ARHGEF12: variants seen among roughly 807,000 people sequenced by gnomAD.
The protein encoded by ARHGEF12 is KMT2A/ARHGEF12 fusion protein.
Under a neutral mutation model 211.2 loss-of-function variants are expected in ARHGEF12, and 66 were observed. The observed-to-expected ratio is 0.31, with a 90% CI of 0.26 to 0.38. ARHGEF12 has a LOEUF of 0.38. Among genes scored for constraint, ARHGEF12 ranks in the 10% least tolerant of loss-of-function variants. The pLI is 1.00. For synonymous variants in ARHGEF12, 592 were observed against 638.4 expected (o/e 0.93, Z 1.09); for missense variants, 1,429 against 1,869.5 (o/e 0.76, Z 4.34).
intron 1 of ARHGEF12, among the ~76,000 whole-genome samples, chr11:120,368,024 T>C (rs188591204): frequency 1.4e-4 from 22 of 152,228 alleles, no homozygotes; most frequent in African/African-American, 5.3e-4. Flanking sequence ...AAAGATTTCA[T>C]TATGGGATAG....
chr11:120,455,231 A>G (rs1326128201), intron 22 of ARHGEF12, among the ~76,000 whole-genome samples: 1 of 152,220 alleles, frequency 6.6e-6, no homozygotes, highest in East Asian at 1.9e-4. Flanking sequence ...CCCAGAGTTG[A>G]AAAAGAATAC....
At chr11:120,437,908 C>T (rs1316937945) in intron 12 of ARHGEF12, among the ~76,000 whole-genome samples, 2 of 152,158 alleles carry the variant, frequency 1.3e-5, no homozygotes, top group South Asian at 2.1e-4. Flanking sequence ...TCAGAATTTC[C>T]GTCCTTTTTG....
intron 10 of ARHGEF12, among the ~76,000 whole-genome samples, chr11:120,430,756 T>A (rs1018084896): frequency 2.0e-5 from 3 of 152,194 alleles, no homozygotes; most frequent in African/African-American, 7.2e-5. Context: ...TTTAAAAAAA[T>A]TATGTTATAA....
chr11:120,389,259 A>T (rs957617243), intron 1 of ARHGEF12, among the ~76,000 whole-genome samples: 1 of 152,076 alleles, frequency 6.6e-6, no homozygotes, highest in Non-Finnish European at 1.5e-5. Flanking sequence ...TTCTCTCTTT[A>T]ATACTTTTAT....
chr11:120,457,566 A>G, intron 23 of ARHGEF12, 155 bp from the exon 24 acceptor site: 1 of 529,972 alleles, frequency 1.9e-6, no homozygotes, highest in Non-Finnish European at 3.1e-6. Context: ...AAGGTACTCA[A>G]ATTTTCTTCA....
chr11:120,460,944 A>T (rs1946506872), intron 27 of ARHGEF12, among the ~76,000 whole-genome samples, 187 bp downstream of exon 27: 1 of 152,184 alleles, frequency 6.6e-6, no homozygotes. Context: ...TAAGAAGCAG[A>T]CCCTTATCCA....
intron 22 of ARHGEF12, among the ~76,000 whole-genome samples, chr11:120,453,455 T>TA (rs1946270909): frequency 6.6e-6 from 1 of 152,044 alleles, no homozygotes; most frequent in Non-Finnish European, 1.5e-5. Context: ...CATGGTGGCT[T>TA]ACTCCTGTAA....
rs75115847 is a variant in ARHGEF12 at position 120,395,021 on chromosome 11, C to G, written c.33-11097C>G. On this transcript the variant is annotated intron_variant, in intron 1 of 40. Coordinates refer to ENST00000397843, the MANE Select transcript of ARHGEF12 (RefSeq NM_015313.3). ...GCAATGAGCTGAGATGGTGCCACTACACACCATCCTGCCCAACAGAGCAAG... is the reference window on the plus strand; with the variant it reads ...GCAATGAGCTGAGATGGTGCCACTAGACACCATCCTGCCCAACAGAGCAAG... Among the ~76,000 whole-genome samples the G allele has an allele frequency of 9.7e-3, 1,267 of 130,316 alleles. 85 individuals carry two copies. The South Asian group carries it at 0.17, about 17-fold the overall frequency. 85.5% of individuals were successfully genotyped at this position (130,316 alleles called of 152,430 possible).
chr11:120,407,131 T>G (rs896486907), intron 2 of ARHGEF12, among the ~76,000 whole-genome samples: 1 of 152,216 alleles, frequency 6.6e-6, no homozygotes, highest in Non-Finnish European at 1.5e-5. Flanking sequence ...TATGTGTATG[T>G]GTACATATGT....
chr11:120,407,742 G>A lies in ARHGEF12; in HGVS notation c.61G>A (p.Gly21Arg). 1 of 1,612,540 alleles carries A rather than the reference G, an allele frequency of 6.2e-7. No individual in the cohort carries two copies. Among genetic ancestry groups the A allele is most frequent in the Non-Finnish European group, 8.5e-7 (1 of 1,179,092 alleles). Residue 21 changes from glycine (G) to arginine (R), a missense_variant, in exon 3 of 41, where the codon GGA (glycine) becomes AGA (arginine). By Grantham distance (125) the Gly-to-Arg change is moderately radical. Around this residue, in one of 7 missense-constraint regions of ARHGEF12, gnomAD observed 41 missense variants for 48.6 expected, o/e 0.84. Transcript: ENST00000397843. The part of the protein sequence containing the change: ...RFPLKKPIRH[G>R]SILNRESPTD... ...GATTACTTTGCTTTAATTTAGGCAT[G>A]GAAGTATTTTGAACCGAGAGTCACC...
At chr11:120,473,558 A>G (rs923137484) in intron 31 of ARHGEF12, among the ~76,000 whole-genome samples, 1 of 152,130 alleles carries the variant, frequency 6.6e-6, no homozygotes, top group Non-Finnish European at 1.5e-5. Context: ...ATATGCCACC[A>G]TACCCAGCTA....
intron 27 of ARHGEF12, 135 bp downstream of exon 27, chr11:120,460,892 C>A: frequency 2.7e-6 from 2 of 734,494 alleles, no homozygotes; most frequent in Non-Finnish European, 4.5e-6. Context: ...AAAGGTCAAG[C>A]AGTAGATTCC....
intron 1 of ARHGEF12, among the ~76,000 whole-genome samples, chr11:120,397,189 C>T (rs1340406325): frequency 1.3e-5 from 2 of 152,180 alleles, no homozygotes; most frequent in Non-Finnish European, 2.9e-5. Context: ...TCTCTCTCAC[C>T]GATTTCGTGC....
At chr11:120,388,987 C>G (rs1032706307) in intron 1 of ARHGEF12, among the ~76,000 whole-genome samples, 3 of 152,052 alleles carry the variant, frequency 2.0e-5, no homozygotes, top group Admixed American at 1.3e-4. Flanking sequence ...CTCAGCCTCC[C>G]AAGTAGCTGG....
intron 4 of ARHGEF12, chr11:120,410,578 T>G (rs1362275335): frequency 6.6e-6 from 1 of 152,138 alleles, no homozygotes; most frequent in Non-Finnish European, 1.5e-5. Context: ...ATAATTCACA[T>G]CTGCTGGCAC....
intron 1 of ARHGEF12, among the ~76,000 whole-genome samples, chr11:120,391,244 C>T (rs1400204186): frequency 6.6e-6 from 1 of 152,166 alleles, no homozygotes; most frequent in African/African-American, 2.4e-5. Flanking sequence ...TCATCTCTTC[C>T]TTATATACAA....
At chr11:120,399,464 AT>A (rs1238131812) in intron 1 of ARHGEF12, among the ~76,000 whole-genome samples, 1 of 149,658 alleles carries the variant, frequency 6.7e-6, no homozygotes, top group Non-Finnish European at 1.5e-5. Flanking sequence ...TTCCTTGATG[AT>A]TTTTTGGCAA....
At chr11:120,421,240 C>T (rs1945176302) in intron 5 of ARHGEF12, among the ~76,000 whole-genome samples, 1 of 152,110 alleles carries the variant, frequency 6.6e-6, no homozygotes, top group South Asian at 2.1e-4. Flanking sequence ...ATATTTTCTA[C>T]TGCTGTTACC....
intron 27 of ARHGEF12, among the ~76,000 whole-genome samples, chr11:120,461,280 A>G (rs1591623018): frequency 6.6e-6 from 1 of 152,250 alleles, no homozygotes; most frequent in East Asian, 1.9e-4. Flanking sequence ...TCCTTGGTCC[A>G]TGAGCTGCAG....
Sources: allele counts gnomAD v4.1 joint callset (sites outside exome capture counted in the v4.1 genomes callset), GRCh38; gene constraint gnomAD v4.1.1; regional missense constraint gnomAD v4.1.1; transcripts MANE v1.5; gene names NCBI Gene and HGNC (gene_info 2026-07-23, HGNC 2026-07-21).